AKAP12: variants seen among roughly 807,000 people sequenced by gnomAD.
AKAP12 encodes A-kinase anchoring protein 12.
AKAP12 carries 32 observed loss-of-function variants against 79.9 expected under a neutral mutation model. The observed-to-expected ratio is 0.40, with a 90% CI of 0.30 to 0.54. The LOEUF is 0.54. AKAP12 is among the 20% of genes least tolerant of loss of function. The probability of loss-of-function intolerance (pLI) is 0.48; values close to 1 mark genes in which losing one functional copy is unlikely to be tolerated. For missense variants in AKAP12, 2,074 were observed against 2,177.0 expected (o/e 0.95, Z 0.94); for synonymous variants, 808 against 857.0 (o/e 0.94, Z 1.00).
chr6:151,301,948 A>G (rs1443362606), intron 2 of AKAP12, among the ~76,000 whole-genome samples: 1 of 151,896 alleles, frequency 6.6e-6, no homozygotes, highest in Non-Finnish European at 1.5e-5. Context: ...ATTTGACCTC[A>G]GTTTTTAAGG....
chr6:151,241,491 G>A (rs183390856), intron 2 of AKAP12, among the ~76,000 whole-genome samples: 353 of 152,300 alleles, frequency 2.3e-3, no homozygotes, highest in Non-Finnish European at 4.3e-3. Context: ...TCAGTGTAAC[G>A]AGCATTCCGG....
chr6:151,340,295 T>A (rs1478213686), intron 3 of AKAP12, among the ~76,000 whole-genome samples: 2 of 151,510 alleles, frequency 1.3e-5, no homozygotes, highest in African/African-American at 4.8e-5. Context: ...CCATACTTTA[T>A]CCACTCACTT....
At chr6:151,325,178 G>A (rs768539611) in intron 3 of AKAP12, 4 of 985,300 alleles carry the variant, frequency 4.1e-6, no homozygotes, top group East Asian at 1.1e-4. Flanking sequence ...GTGTGTATGC[G>A]TAAGACACAG....
intron 3 of AKAP12, among the ~76,000 whole-genome samples, chr6:151,320,869 C>G (rs1427688609): frequency 1.3e-5 from 2 of 152,162 alleles, no homozygotes; most frequent in Non-Finnish European, 2.9e-5. Flanking sequence ...CTTTTGTGAG[C>G]TGTAATTCAC....
At chr6:151,342,778 C>T (rs1777985661) in intron 3 of AKAP12, among the ~76,000 whole-genome samples, 1 of 152,172 alleles carries the variant, frequency 6.6e-6, no homozygotes, top group Non-Finnish European at 1.5e-5. Context: ...TCAGTAACAG[C>T]TACCTTAGAT....
intron 2 of AKAP12, among the ~76,000 whole-genome samples, chr6:151,249,825 A>G (rs1013666585): frequency 6.6e-6 from 1 of 152,218 alleles, no homozygotes; most frequent in African/African-American, 2.4e-5. Context: ...CATCTGATCA[A>G]TTATAATAGC....
chr6:151,324,474 A>G (rs1469095175), intron 3 of AKAP12: 1 of 985,214 alleles, frequency 1.0e-6, no homozygotes, highest in Non-Finnish European at 1.2e-6. Flanking sequence ...CTGGACTTCC[A>G]TTTTTCCCTG....
intron 2 of AKAP12, among the ~76,000 whole-genome samples, chr6:151,262,913 A>C (rs963404166): frequency 6.6e-6 from 1 of 152,112 alleles, no homozygotes; most frequent in Non-Finnish European, 1.5e-5. Flanking sequence ...TACAACTTCA[A>C]ATCTAAGGTT....
chr6:151,312,298 C>T (rs1336689215), intron 3 of AKAP12, among the ~76,000 whole-genome samples: 1 of 150,568 alleles, frequency 6.6e-6, no homozygotes, highest in Non-Finnish European at 1.5e-5. Context: ...TAGTGAGACC[C>T]TTGTCTCTAC....
chr6:151,355,504 T>C (rs1778418959), intron 4 of AKAP12, among the ~76,000 whole-genome samples: 1 of 151,852 alleles, frequency 6.6e-6, no homozygotes, highest in Non-Finnish European at 1.5e-5. Flanking sequence ...GGTTTCAACA[T>C]GTTGGCCAGG....
At chr6:151,273,011 C>T (rs375082319) in intron 2 of AKAP12, among the ~76,000 whole-genome samples, 8 of 152,190 alleles carry the variant, frequency 5.3e-5, no homozygotes, top group East Asian at 1.9e-4. Flanking sequence ...GGGTTCACAC[C>T]ATTCTTCTGC....
chr6:151,348,176 A>T (rs1778158899), intron 3 of AKAP12, among the ~76,000 whole-genome samples: 1 of 150,480 alleles, frequency 6.6e-6, no homozygotes, highest in South Asian at 2.1e-4. Flanking sequence ...AAAAAAAACA[A>T]ATTAGCTGGG....
At position 151,304,488 on chromosome 6, in the gene AKAP12, CAAAAAAAAAA is replaced by C. The variant is rs1157088954; in HGVS notation, c.163-1237_163-1228del. ...TGGGTGAAACAGTGACACTCCATCTCAAAAAAAAAAAAAAAAAAAAAAAAAAAAAAAGGAT... is the reference window on the plus strand; with the variant it reads ...TGGGTGAAACAGTGACACTCCATCTCAAAAAAAAAAAAAAAAAAAAAGGAT... On this transcript the variant is annotated intron_variant, in intron 2 of 4. Transcript: ENST00000402676. 7.2e-3 allele frequency among the ~76,000 whole-genome samples: 331 copies of C among 45,998 alleles called. No individual in the cohort carries two copies. The South Asian group carries it at 0.093, about 13-fold the overall frequency. 30.2% of individuals were successfully genotyped at this position (45,998 alleles called of 152,430 possible). A position where few individuals can be genotyped will look rare whatever the true frequency, so the allele number is the denominator to read the frequency against.
At chr6:151,242,393 C>T (rs952235859) in intron 2 of AKAP12, among the ~76,000 whole-genome samples, 1 of 152,124 alleles carries the variant, frequency 6.6e-6, no homozygotes, top group African/African-American at 2.4e-5. Context: ...AGTTGCCAAC[C>T]GTCTTGAAGC....
At chr6:151,250,643 T>C (rs1261910748) in intron 2 of AKAP12, among the ~76,000 whole-genome samples, 1 of 150,492 alleles carries the variant, frequency 6.6e-6, no homozygotes, top group African/African-American at 2.4e-5. Flanking sequence ...TCTCGCTCTG[T>C]TGCCCAGGCT....
chr6:151,268,770 GT>G (rs1776108143), intron 2 of AKAP12, among the ~76,000 whole-genome samples: 1 of 151,930 alleles, frequency 6.6e-6, no homozygotes, highest in Admixed American at 6.6e-5. Context: ...AGCCTCCTGA[GT>G]TAGTTGGGAC....
intron 2 of AKAP12, among the ~76,000 whole-genome samples, chr6:151,263,996 G>A (rs889015822): frequency 1.3e-4 from 20 of 151,676 alleles, no homozygotes; most frequent in Non-Finnish European, 2.9e-5. Context: ...CCTTTAAGCT[G>A]AGCCCACCCA....
At chr6:151,307,746 T>C (rs910839363) in intron 3 of AKAP12, among the ~76,000 whole-genome samples, 1 of 152,204 alleles carries the variant, frequency 6.6e-6, no homozygotes, top group Non-Finnish European at 1.5e-5. Flanking sequence ...AGTGAGTGAT[T>C]CAGTCCCTCC....
At chr6:151,347,803 G>A (rs756114635) in intron 3 of AKAP12, among the ~76,000 whole-genome samples, 1 of 152,224 alleles carries the variant, frequency 6.6e-6, no homozygotes, top group Non-Finnish European at 1.5e-5. Flanking sequence ...TTGGGAGGCC[G>A]AGGTGGGTGG....
Sources: allele counts gnomAD v4.1 joint callset (sites outside exome capture counted in the v4.1 genomes callset), GRCh38; gene constraint gnomAD v4.1.1; transcripts MANE v1.5; gene names NCBI Gene and HGNC (gene_info 2026-07-23, HGNC 2026-07-21).